Variants in ZDHHC21 observed in about 807,000 individuals in gnomAD.
The protein encoded by ZDHHC21 is palmitoyltransferase ZDHHC21.
ZDHHC21 carries 15 observed loss-of-function variants against 34.6 expected under a neutral mutation model. That is an observed-to-expected ratio of 0.43 (90% CI 0.29 to 0.67). The LOEUF is 0.67. ZDHHC21 is among the 30% of genes least tolerant of loss of function. ZDHHC21 has a pLI of 0.14. For missense variants in ZDHHC21, 344 were observed against 327.7 expected (o/e 1.05, Z -0.38); for synonymous variants, 142 against 101.8 (o/e 1.40, Z -2.38).
rs554840799 is a variant in ZDHHC21 at position 14,616,741 on chromosome 9, T to C, written c.*2225A>G. 2.0e-5 allele frequency: 3 copies of C among 151,856 alleles called. No individual in the cohort carries two copies. The highest frequency in any genetic ancestry group is 4.4e-5 in the Non-Finnish European group (3 of 67,808). 9.4% of individuals were successfully genotyped at this position (151,856 alleles called of 1,614,324 possible). A position where few individuals can be genotyped will look rare whatever the true frequency, so the allele number is the denominator to read the frequency against. On this transcript the variant is annotated 3_prime_UTR_variant, in exon 10 of 10. Coordinates refer to ENST00000380916, the MANE Select transcript of ZDHHC21 (RefSeq NM_178566.6). The stretch of plus-strand genomic sequence containing the variant: ...AGATATACTGTAATATACATTCTTA[T>C]GTATATATACTGATAGATAGCATTT...
chr9:14,607,100 AT>A (rs1823036602), downstream of ZDHHC21, among the ~76,000 whole-genome samples: 2 of 149,692 alleles, frequency 1.3e-5, no homozygotes, highest in Admixed American at 1.3e-4. Flanking sequence ...AAAAAAAAAA[AT>A]CTACATGATG....
chr9:14,615,198 G>C lies in ZDHHC21; in HGVS notation c.*3768C>G, dbSNP rs1009799305. 5.9e-5 allele frequency: 9 copies of C among 151,646 alleles called. No homozygotes were observed. Among genetic ancestry groups the C allele is most frequent in the Non-Finnish European group, 1.5e-5 (1 of 67,672 alleles). 9.4% of individuals were successfully genotyped at this position (151,646 alleles called of 1,614,324 possible). A position where few individuals can be genotyped will look rare whatever the true frequency, so the allele number is the denominator to read the frequency against. On this transcript the variant is annotated 3_prime_UTR_variant, in exon 10 of 10. Transcript: ENST00000380916. Reference sequence around the variant, plus strand: ...GGTTTGAAGTGTTGTCCTAACTTAAGTCTTCATGATTAGCATTCAGAATTA... The same window carrying C: ...GGTTTGAAGTGTTGTCCTAACTTAACTCTTCATGATTAGCATTCAGAATTA...
At chr9:14,597,809 C>A in the ZDHHC21 span, among the ~76,000 whole-genome samples, 2 of 152,148 alleles carry the variant, frequency 1.3e-5, no homozygotes, top group Non-Finnish European at 2.9e-5. Context: ...CCACCAGCAC[C>A]TGTGCCTACC....
At chr9:14,602,056 T>G in the ZDHHC21 span, among the ~76,000 whole-genome samples, 1 of 151,842 alleles carries the variant, frequency 6.6e-6, no homozygotes, top group Admixed American at 6.6e-5. Flanking sequence ...AGGTGACGGG[T>G]TGATGGGTGC....
At chr9:14,665,036 G>A (rs1456423656) in intron 5 of ZDHHC21, among the ~76,000 whole-genome samples, 13 of 102,842 alleles carry the variant, frequency 1.3e-4, no homozygotes, top group Admixed American at 3.0e-4. Context: ...GGCTTCAGAC[G>A]ATCAAATTAC....
At chr9:14,689,466 A>G (rs543356760) in intron 2 of ZDHHC21, among the ~76,000 whole-genome samples, 7 of 152,310 alleles carry the variant, frequency 4.6e-5, no homozygotes, top group Admixed American at 3.9e-4. Context: ...TGCACTATCA[A>G]TGGTTTCAAG....
At chr9:14,692,061 G>A (rs1044243986) in intron 1 of ZDHHC21, among the ~76,000 whole-genome samples, 1 of 152,044 alleles carries the variant, frequency 6.6e-6, no homozygotes, top group Admixed American at 6.5e-5. Context: ...AATCTCATTT[G>A]GCTCTTTCTT....
chr9:14,686,397 A>AC (rs1456290514), intron 2 of ZDHHC21, among the ~76,000 whole-genome samples: 1 of 152,246 alleles, frequency 6.6e-6, no homozygotes, highest in African/African-American at 2.4e-5. Flanking sequence ...AAGACAGGGA[A>AC]CAAAGGCCAA....
intron 5 of ZDHHC21, among the ~76,000 whole-genome samples, chr9:14,666,070 C>A (rs1332725000): frequency 6.0e-5 from 9 of 150,116 alleles, no homozygotes; most frequent in Non-Finnish European, 1.2e-4. Flanking sequence ...GATAAAGAGT[C>A]AAGACCCATC....
Position 14,615,313 on chromosome 9 carries a change from T to C in ZDHHC21, c.*3653A>G, listed in dbSNP as rs1405859999. ...AACAAAGAATAGTTATCATTAGCCA[T>C]CATACTTAGAGAAAAATGCCTCTAT... On this transcript the variant is annotated 3_prime_UTR_variant, in exon 10 of 10. Transcript: ENST00000380916. The C allele has an allele frequency of 1.3e-5, 2 of 151,690 alleles. No individual in the cohort carries two copies. Among genetic ancestry groups the C allele is most frequent in the Non-Finnish European group, 3.0e-5 (2 of 67,702 alleles). 9.4% of individuals were successfully genotyped at this position (151,690 alleles called of 1,614,324 possible). A position where few individuals can be genotyped will look rare whatever the true frequency, so the allele number is the denominator to read the frequency against.
At chr9:14,596,604 C>A in the ZDHHC21 span, among the ~76,000 whole-genome samples, 1 of 152,258 alleles carries the variant, frequency 6.6e-6, no homozygotes, top group South Asian at 2.1e-4. Flanking sequence ...TGAAAACTAG[C>A]AAGAGCTTGA....
At chr9:14,629,211 C>A (rs1248922193) in intron 8 of ZDHHC21, among the ~76,000 whole-genome samples, 1 of 152,148 alleles carries the variant, frequency 6.6e-6, no homozygotes, top group Non-Finnish European at 1.5e-5. Context: ...GAGGTTACTA[C>A]ACATATGCAG....
intron 5 of ZDHHC21, among the ~76,000 whole-genome samples, chr9:14,664,478 C>A (rs954304444): frequency 1.3e-5 from 2 of 151,758 alleles, no homozygotes. Context: ...ACAAAGCAGC[C>A]GGGAAGCTCG....
intron 3 of ZDHHC21, among the ~76,000 whole-genome samples, chr9:14,675,505 A>C (rs148467495): frequency 6.6e-6 from 1 of 152,038 alleles, no homozygotes; most frequent in Non-Finnish European, 1.5e-5. Flanking sequence ...CAAGAGTCTG[A>C]AAACAGCTGA....
intron 3 of ZDHHC21, among the ~76,000 whole-genome samples, chr9:14,674,758 T>C (rs949133863): frequency 2.0e-5 from 3 of 152,100 alleles, no homozygotes; most frequent in East Asian, 3.9e-4. Context: ...CAAAAGATTA[T>C]GTACAAAAAT....
At chr9:14,684,974 T>C (rs1044097047) in intron 2 of ZDHHC21, among the ~76,000 whole-genome samples, 1 of 152,182 alleles carries the variant, frequency 6.6e-6, no homozygotes, top group Non-Finnish European at 1.5e-5. Context: ...ATTTAATAAA[T>C]GGTGTTGGGA....
intron 8 of ZDHHC21, among the ~76,000 whole-genome samples, chr9:14,620,921 A>G: frequency 6.6e-6 from 1 of 152,040 alleles, no homozygotes; most frequent in Non-Finnish European, 1.5e-5. Flanking sequence ...GTATCCAGTG[A>G]CAATTGTATT....
intron 7 of ZDHHC21, among the ~76,000 whole-genome samples, chr9:14,647,085 T>C (rs144062321): frequency 1.7e-4 from 26 of 152,022 alleles, no homozygotes; most frequent in Non-Finnish European, 3.7e-4. Flanking sequence ...ATAGCAGCAA[T>C]AAACACAGAA....
chr9:14,654,641 G>T (rs1229438922), intron 7 of ZDHHC21, among the ~76,000 whole-genome samples: 2 of 151,926 alleles, frequency 1.3e-5, no homozygotes, highest in Admixed American at 6.6e-5. Flanking sequence ...CAAAATAGAT[G>T]ATTTCACCAC....
Sources: gnomAD v4.1 joint callset for allele counts (sites outside exome capture counted in the v4.1 genomes callset) on GRCh38, gnomAD v4.1.1 for gene constraint, MANE v1.5 for transcripts, NCBI Gene and HGNC (gene_info 2026-07-23, HGNC 2026-07-21) for gene names.